The following ZNF568 variants were observed in gnomAD, a reference collection of about 807,000 sequenced individuals.
ZNF568 encodes the protein zinc finger protein 568.
Under a neutral mutation model 18.1 loss-of-function variants are expected in ZNF568, and 11 were observed. That is an observed-to-expected ratio of 0.61 (90% confidence interval 0.38 to 1.00). The LOEUF (loss-of-function observed/expected upper bound fraction) is 1.00. ZNF568 is among the 50% of genes least tolerant of loss of function. The pLI is 0.01. For missense variants in ZNF568, 639 were observed against 768.2 expected, an observed-to-expected ratio of 0.83 and a Z score of 1.99; for synonymous variants, 213 against 246.6, an observed-to-expected ratio of 0.86 and a Z score of 1.28.
chr19:36,923,713 G>A (rs1158788247), intron 3 of ZNF568, among the ~76,000 whole-genome samples: 2 of 151,736 alleles, frequency 1.3e-5, no homozygotes, highest in Admixed American at 6.6e-5. Flanking sequence ...GAAAACATCA[G>A]GTGGTTTTAA....
downstream of ZNF568, among the ~76,000 whole-genome samples, chr19:36,981,647 G>A (rs2074332309): frequency 6.6e-6 from 1 of 152,092 alleles, no homozygotes; most frequent in South Asian, 2.1e-4. Context: ...GACCGAGGCA[G>A]GCGAATCACT....
Position 36,949,831 on chromosome 19 carries a change from G to C in ZNF568, c.678G>C (p.Gln226His). Residue 226 changes from glutamine (Q) to histidine (H), a missense_variant, in exon 7 of 7, where the codon CAG becomes CAC. Transcript: ENST00000333987. Reference protein sequence around the residue: ...SYVVTPFKCNQCGQDFSHKFD... With the variant: ...SYVVTPFKCNHCGQDFSHKFD... ...TTGTAACCCCCTTTAAGTGTAATCAGTGTGGACAAGACTTCAGTCATAAAT... is the reference window on the plus strand; with the variant it reads ...TTGTAACCCCCTTTAAGTGTAATCACTGTGGACAAGACTTCAGTCATAAAT... 1 of 1,613,986 alleles carries C rather than the reference G, an allele frequency of 6.2e-7. No homozygotes were observed. Among genetic ancestry groups the C allele is most frequent in the Non-Finnish European group, 8.5e-7 (1 of 1,179,948 alleles).
chr19:36,950,102 C>A lies in ZNF568; in HGVS notation c.949C>A (p.Gln317Lys). The change falls in exon 7 of 7, where the codon CAG becomes AAG. Residue 317 changes from glutamine to lysine, a missense_variant. Transcript: ENST00000333987. ...ACKDCWKAFS[Q>K]KSNLIEHERI... ...TAAGGATTGTTGGAAAGCCTTCAGT[C>A]AGAAATCAAATCTCATTGAACATGA... 6.2e-7 allele frequency: 1 copy of A among 1,613,828 alleles called. No homozygotes were observed. The highest frequency in any genetic ancestry group is 8.5e-7 in the Non-Finnish European group (1 of 1,179,936).
At chr19:36,974,157 A>G (rs2074261043) in intron 6 of ZNF568, among the ~76,000 whole-genome samples, 1 of 152,156 alleles carries the variant, frequency 6.6e-6, no homozygotes. Context: ...TTTTGGGCTC[A>G]GTGTAAGACG....
rs184243491 is a variant in ZNF568 at position 36,932,830 on chromosome 19, T to C, written c.136-3916T>C. Among the ~76,000 whole-genome samples the C allele has an allele frequency of 7.9e-3, 1,211 of 152,332 alleles. 15 individuals are homozygous for C. Among genetic ancestry groups the C allele is most frequent in the South Asian group, 0.046 (220 of 4,828 alleles). Reference sequence around the variant, plus strand: ...TGTTTGTTGGCCATTTTTATTAATATATCTTCTTTGAAGAATTGTCTATTC... The same window carrying C: ...TGTTTGTTGGCCATTTTTATTAATACATCTTCTTTGAAGAATTGTCTATTC... On this transcript the variant is annotated intron_variant, in intron 4 of 6. Coordinates refer to ENST00000333987, the MANE Select transcript of ZNF568 (RefSeq NM_198539.4).
intron 6 of ZNF568, among the ~76,000 whole-genome samples, chr19:36,939,626 G>A (rs746448995): frequency 4.5e-5 from 6 of 133,824 alleles, no homozygotes; most frequent in Non-Finnish European, 6.1e-5. Context: ...TGCAACCTCC[G>A]CCTCCTGGGT....
rs143844428 is a variant in ZNF568 at position 36,917,413 on chromosome 19, G to A, written c.-255-166G>A. ...AATAATAATCTATTAGAGGGTGTGAGGAATTGGACTAAAATTCCAGTCTAC... is the reference window on the plus strand; with the variant it reads ...AATAATAATCTATTAGAGGGTGTGAAGAATTGGACTAAAATTCCAGTCTAC... On this transcript the variant is annotated intron_variant, in intron 1 of 6. Coordinates refer to ENST00000333987, the MANE Select transcript of ZNF568 (RefSeq NM_198539.4). Among the ~76,000 whole-genome samples, 6 of 152,284 alleles carry A rather than the reference G, an allele frequency of 3.9e-5. No individual in the cohort carries two copies. In the East Asian group the frequency reaches 1.2e-3, roughly 29 times the overall value.
At chr19:36,982,096 A>G (rs2074336449), downstream of ZNF568, among the ~76,000 whole-genome samples, 1 of 152,104 alleles carries the variant, frequency 6.6e-6, no homozygotes. Flanking sequence ...TCATTGATGA[A>G]TAAAGATACT....
At chr19:36,989,589 G>A (rs2074406606) in intron 2 of ZNF568, among the ~76,000 whole-genome samples, 1 of 152,016 alleles carries the variant, frequency 6.6e-6, no homozygotes, top group Non-Finnish European at 1.5e-5. Context: ...CATCTTGCTT[G>A]GTCACCCAGG....
In ZNF568 at chr19:36,944,814, T is replaced by C. The variant is rs573203091; in HGVS notation, c.359-4698T>C. 2.0e-5 allele frequency among the ~76,000 whole-genome samples: 3 copies of C among 152,304 alleles called. No individual in the cohort carries two copies. The East Asian group carries it at 5.8e-4, about 29-fold the overall frequency. On this transcript the variant is annotated intron_variant, in intron 6 of 6. Transcript: ENST00000333987. ...AATTTCAAATTAACAGTAATGCTAATATTACTAATAATAAAAAGACAACTA... is the reference window on the plus strand; with the variant it reads ...AATTTCAAATTAACAGTAATGCTAACATTACTAATAATAAAAAGACAACTA...
intron 4 of ZNF568, among the ~76,000 whole-genome samples, chr19:36,936,331 G>T (rs2146290031): frequency 6.6e-6 from 1 of 152,216 alleles, no homozygotes; most frequent in South Asian, 2.1e-4. Flanking sequence ...AAGAAGCTGA[G>T]AAAAGAGAGC....
intron 7 of ZNF568, among the ~76,000 whole-genome samples, chr19:36,977,021 G>A (rs1442512569): frequency 6.6e-6 from 1 of 152,136 alleles, no homozygotes; most frequent in Non-Finnish European, 1.5e-5. Context: ...CATTTCATAT[G>A]TTCAGCATAT....
intron 4 of ZNF568, among the ~76,000 whole-genome samples, chr19:36,932,959 A>G (rs1324246358): frequency 6.6e-6 from 1 of 152,146 alleles, no homozygotes; most frequent in Admixed American, 6.5e-5. Flanking sequence ...GAAATATTTT[A>G]TCCTATCCTC....
chr19:36,991,518 C>T (rs1214741155), intron 3 of ZNF568: 1 of 657,958 alleles, frequency 1.5e-6, no homozygotes, highest in Non-Finnish European at 2.4e-6. Context: ...TCATACCTCC[C>T]TTCTTGGAGC....
intron 6 of ZNF568, among the ~76,000 whole-genome samples, chr19:36,961,885 T>TG (rs2074153389): frequency 3.1e-5 from 3 of 95,604 alleles, no homozygotes; most frequent in African/African-American, 5.4e-5. Context: ...AGGGTGTTTT[T>TG]TTTTTTTTTT....
intron 6 of ZNF568, among the ~76,000 whole-genome samples, chr19:36,959,353 G>A (rs570704227): frequency 5.9e-5 from 9 of 152,202 alleles, no homozygotes; most frequent in African/African-American, 1.2e-4. Context: ...TGCATCCCTG[G>A]TGCAAATCTC....
At chr19:36,921,627 A>T (rs2073457799) in intron 2 of ZNF568, among the ~76,000 whole-genome samples, 1 of 151,912 alleles carries the variant, frequency 6.6e-6, no homozygotes, top group Non-Finnish European at 1.5e-5. Flanking sequence ...ATTTTGTTAC[A>T]TATATTTTTT....
At chr19:36,963,980 A>G (rs980443414) in intron 6 of ZNF568, among the ~76,000 whole-genome samples, 17 of 99,794 alleles carry the variant, frequency 1.7e-4, no homozygotes, top group African/African-American at 6.8e-4. Flanking sequence ...AGTAAGAAAG[A>G]AAGGGTGGGG....
At chr19:36,930,786 T>G (rs976548725) in intron 4 of ZNF568, among the ~76,000 whole-genome samples, 3 of 152,180 alleles carry the variant, frequency 2.0e-5, no homozygotes, top group Non-Finnish European at 4.4e-5. Context: ...ATGAGGAAAC[T>G]GAGACTCAAG....
Sources: allele counts gnomAD v4.1 joint callset (sites outside exome capture counted in the v4.1 genomes callset), GRCh38; gene constraint gnomAD v4.1.1; transcripts MANE v1.5; gene names NCBI Gene and HGNC (gene_info 2026-07-23, HGNC 2026-07-21).